ASTN2: variants seen among roughly 807,000 people sequenced by gnomAD.
ASTN2 encodes the protein astrotactin-2.
In ASTN2, 54 loss-of-function variants were observed where a neutral mutation model predicts 139.8. That is an observed-to-expected ratio of 0.39 (90% CI 0.31 to 0.48). The LOEUF (loss-of-function observed/expected upper bound fraction) is 0.48, where lower values mean the gene tolerates loss of function less well. ASTN2 is among the 20% of genes least tolerant of loss of function. The pLI is 0.95. For missense variants in ASTN2, 1,565 were observed against 1,725.1 expected (o/e 0.91, Z 1.64); for synonymous variants, 756 against 719.5 (o/e 1.05, Z -0.81).
intron 6 of ASTN2, among the ~76,000 whole-genome samples, chr9:117,019,389 C>T (rs984010071): frequency 5.9e-5 from 9 of 152,022 alleles, no homozygotes; most frequent in East Asian, 1.9e-4. Context: ...CAAAAATCAG[C>T]GGTTTCAACA....
intron 20 of ASTN2, among the ~76,000 whole-genome samples, chr9:116,469,748 A>G (rs1216406116): frequency 1.3e-5 from 2 of 152,240 alleles, no homozygotes; most frequent in Non-Finnish European, 2.9e-5. Context: ...AATTGAGTGT[A>G]CACAGATAAA....
intron 10 of ASTN2, among the ~76,000 whole-genome samples, chr9:116,969,814 C>T (rs891846579): frequency 2.6e-5 from 4 of 152,094 alleles, no homozygotes. Flanking sequence ...AATTCTGGGC[C>T]CACCTCCAAA....
intron 19 of ASTN2, among the ~76,000 whole-genome samples, chr9:116,573,892 T>C (rs541159076): frequency 6.6e-6 from 1 of 152,280 alleles, no homozygotes; most frequent in African/African-American, 2.4e-5. Context: ...AATGTGGCAG[T>C]TGTCCCCAAA....
chr9:116,821,647 C>T (rs1217347168), intron 11 of ASTN2, among the ~76,000 whole-genome samples: 1 of 152,130 alleles, frequency 6.6e-6, no homozygotes, highest in Non-Finnish European at 1.5e-5. Context: ...ACATGTGAAG[C>T]TGCTATAAAC....
At chr9:117,359,037 G>A (rs1013171064) in intron 1 of ASTN2, among the ~76,000 whole-genome samples, 6 of 152,156 alleles carry the variant, frequency 3.9e-5, no homozygotes, top group Admixed American at 2.6e-4. Flanking sequence ...AACCTGGATG[G>A]ACTCTCAGGT....
intron 1 of ASTN2, among the ~76,000 whole-genome samples, chr9:117,340,168 T>C (rs1354061033): frequency 1.3e-5 from 2 of 150,514 alleles, no homozygotes; most frequent in African/African-American, 2.4e-5. Flanking sequence ...CTACTAAAAA[T>C]ACAAAAAAAA....
chr9:116,703,802 A>G (rs1827917965), intron 16 of ASTN2, among the ~76,000 whole-genome samples: 3 of 152,070 alleles, frequency 2.0e-5, no homozygotes, highest in African/African-American at 7.2e-5. Context: ...TATGAGACTC[A>G]GGTCTCCACC....
intron 6 of ASTN2, among the ~76,000 whole-genome samples, chr9:117,033,130 G>T (rs7046254): frequency 0.021 from 3,194 of 152,178 alleles, 114 homozygotes; most frequent in African/African-American, 0.063. Context: ...AAGGAATAAA[G>T]AAACATATTC....
At chr9:116,705,262 T>G (rs1217004494) in intron 16 of ASTN2, among the ~76,000 whole-genome samples, 1 of 152,200 alleles carries the variant, frequency 6.6e-6, no homozygotes, top group African/African-American at 2.4e-5. Context: ...ATAAATGCCA[T>G]TTAGCAGAAT....
intron 19 of ASTN2, among the ~76,000 whole-genome samples, chr9:116,538,670 A>G (rs141599594): frequency 6.6e-6 from 1 of 152,310 alleles, no homozygotes; most frequent in African/African-American, 2.4e-5. Context: ...ATGCTTTGTT[A>G]ATTCTAAAAT....
intron 10 of ASTN2, among the ~76,000 whole-genome samples, chr9:116,951,020 G>A (rs184099798): frequency 1.3e-5 from 2 of 152,216 alleles, no homozygotes; most frequent in African/African-American, 2.4e-5. Context: ...ACAGAGATGG[G>A]AACTGAGATA....
At chr9:116,485,648 A>G (rs1046976778) in intron 20 of ASTN2, among the ~76,000 whole-genome samples, 1 of 152,224 alleles carries the variant, frequency 6.6e-6, no homozygotes, top group Non-Finnish European at 1.5e-5. Context: ...TACATCTTAA[A>G]ACCTTAGTAA....
chr9:116,662,555 G>A (rs536174394), intron 16 of ASTN2, among the ~76,000 whole-genome samples: 107 of 152,174 alleles, frequency 7.0e-4, no homozygotes, highest in Non-Finnish European at 1.1e-3. Context: ...CCTGGGCAAC[G>A]AAAGTGAGAC....
At chr9:116,882,456 A>G (rs889486697) in intron 10 of ASTN2, among the ~76,000 whole-genome samples, 13 of 152,192 alleles carry the variant, frequency 8.5e-5, no homozygotes, top group Non-Finnish European at 1.5e-4. Flanking sequence ...AAGAAGGAAA[A>G]GGTGACAACA....
intron 4 of ASTN2, among the ~76,000 whole-genome samples, chr9:117,134,295 TACACACACACACACACACAC>T (rs3041140): frequency 7.9e-5 from 6 of 75,808 alleles, no homozygotes; most frequent in African/African-American, 2.7e-4. Flanking sequence ...TATATATATA[TACACACACACACACACACAC>T]ACACACACAC....
At chr9:116,718,976 A>G (rs550952033) in intron 16 of ASTN2, among the ~76,000 whole-genome samples, 2,237 of 96,316 alleles carry the variant, frequency 0.023, 277 homozygotes, top group African/African-American at 0.11. Flanking sequence ...GTATCTGTAC[A>G]TATATATATA....
intron 11 of ASTN2, among the ~76,000 whole-genome samples, chr9:116,833,124 C>T (rs189007058): frequency 8.6e-5 from 13 of 151,956 alleles, no homozygotes; most frequent in Non-Finnish European, 1.6e-4. Flanking sequence ...TTCATATTGG[C>T]GAATTGTGGT....
chr9:117,144,700 G>A (rs79537873), intron 3 of ASTN2, among the ~76,000 whole-genome samples: 1 of 72,084 alleles, frequency 1.4e-5, no homozygotes. Context: ...TTTTTTTTTT[G>A]AGATGGAGTC....
At chr9:116,781,524 G>A (rs7021519) in intron 13 of ASTN2, among the ~76,000 whole-genome samples, 4,235 of 152,088 alleles carry the variant, frequency 0.028, 195 homozygotes, top group African/African-American at 0.094. Flanking sequence ...AATTTGTGTC[G>A]GTCCACAAGC....
Sources: gnomAD v4.1 joint callset for allele counts (sites outside exome capture counted in the v4.1 genomes callset) on GRCh38, gnomAD v4.1.1 for gene constraint, MANE v1.5 for transcripts, NCBI Gene and HGNC (gene_info 2026-07-23, HGNC 2026-07-21) for gene names.